MMP16: variants seen among roughly 807,000 people sequenced by gnomAD.
The protein encoded by MMP16 is matrix metallopeptidase 16.
Under a neutral mutation model 67.8 loss-of-function variants are expected in MMP16, and 12 were observed. The observed-to-expected ratio is 0.18, with a 90% confidence interval of 0.11 to 0.29. The LOEUF is 0.29. MMP16 is among the 10% of genes least tolerant of loss of function. The pLI is 1.00. For synonymous variants in MMP16, 249 were observed against 255.9 expected (o/e 0.97, Z 0.26); for missense variants, 475 against 765.7 (o/e 0.62, Z 4.48).
intron 5 of MMP16, among the ~76,000 whole-genome samples, chr8:88,117,525 T>C (rs1809456279): frequency 6.6e-6 from 1 of 151,930 alleles, no homozygotes; most frequent in Non-Finnish European, 1.5e-5. Context: ...ATTCATGAGG[T>C]CATGAGAAAG....
chr8:88,279,644 T>C (rs576077491), intron 1 of MMP16, among the ~76,000 whole-genome samples: 4 of 152,244 alleles, frequency 2.6e-5, no homozygotes, highest in African/African-American at 9.6e-5. Flanking sequence ...CTAACTACTG[T>C]CTCAAGAGGG....
chr8:88,168,523 T>G (rs1563552234), intron 3 of MMP16, among the ~76,000 whole-genome samples: 2 of 152,198 alleles, frequency 1.3e-5, no homozygotes, highest in Admixed American at 1.3e-4. Flanking sequence ...TAGTTAAAAA[T>G]GTATTGTGAG....
intron 7 of MMP16, among the ~76,000 whole-genome samples, chr8:88,064,993 C>T (rs1808445764): frequency 6.6e-6 from 1 of 152,088 alleles, no homozygotes; most frequent in African/African-American, 2.4e-5. Flanking sequence ...GCCAAGGCTA[C>T]ACTCTTCTTC....
intron 6 of MMP16, among the ~76,000 whole-genome samples, chr8:88,103,930 G>A (rs1323138035): frequency 6.6e-6 from 1 of 151,638 alleles, no homozygotes; most frequent in African/African-American, 2.4e-5. Flanking sequence ...TACCTAATTG[G>A]ACACCTTTGC....
intron 4 of MMP16, among the ~76,000 whole-genome samples, chr8:88,129,792 G>T (rs1007563063): frequency 1.3e-5 from 2 of 151,414 alleles, no homozygotes; most frequent in Non-Finnish European, 3.0e-5. Flanking sequence ...ATTTTTTAGA[G>T]TAGGTTTCAC....
chr8:88,148,494 T>G (rs1808333688), intron 4 of MMP16, among the ~76,000 whole-genome samples: 1 of 152,192 alleles, frequency 6.6e-6, no homozygotes, highest in South Asian at 2.1e-4. Context: ...CAGGGAGCTG[T>G]GTATGTATGT....
At chr8:88,258,580 T>C (rs1256286894) in intron 1 of MMP16, among the ~76,000 whole-genome samples, 1 of 152,148 alleles carries the variant, frequency 6.6e-6, no homozygotes, top group African/African-American at 2.4e-5. Context: ...ATGAACAAAG[T>C]AGGCCTTTTA....
intron 1 of MMP16, among the ~76,000 whole-genome samples, chr8:88,216,565 A>T (rs1809597980): frequency 6.6e-6 from 1 of 152,132 alleles, no homozygotes; most frequent in Non-Finnish European, 1.5e-5. Flanking sequence ...ATGCCATGCT[A>T]GTTTCCTCTG....
At chr8:88,256,682 T>A (rs528958740) in intron 1 of MMP16, among the ~76,000 whole-genome samples, 1 of 148,704 alleles carries the variant, frequency 6.7e-6, no homozygotes, top group African/African-American at 2.5e-5. Context: ...TCTCTCTCTC[T>A]CTCACACACA....
At chr8:88,068,480 A>T (rs564412355) in intron 7 of MMP16, among the ~76,000 whole-genome samples, 3 of 152,100 alleles carry the variant, frequency 2.0e-5, no homozygotes, top group East Asian at 1.9e-4. Context: ...GATTAAGGTC[A>T]CAAACTTTTG....
chr8:88,158,574 C>T (rs1395883605), intron 4 of MMP16, among the ~76,000 whole-genome samples: 1 of 152,164 alleles, frequency 6.6e-6, no homozygotes, highest in Non-Finnish European at 1.5e-5. Flanking sequence ...AGCCCTTTGT[C>T]AGATGGGTAG....
intron 1 of MMP16, among the ~76,000 whole-genome samples, chr8:88,264,205 CAT>C: frequency 6.6e-6 from 1 of 151,930 alleles, no homozygotes; most frequent in East Asian, 1.9e-4. Flanking sequence ...CACACACACA[CAT>C]ACATTTCTAG....
rs7002578 is a variant in MMP16 at position 88,167,135 on chromosome 8, C to T, written c.709+534G>A. ...GCTGAGGTAGGAGAATCACTTGAAC[C>T]GAGGAAGTGGAGGTTGCAGTGAGCT... On this transcript the variant is annotated intron_variant, in intron 4 of 9. Coordinates refer to ENST00000286614, the MANE Select transcript of MMP16 (RefSeq NM_005941.5). 5.5e-3 allele frequency among the ~76,000 whole-genome samples: 832 copies of T among 152,068 alleles called. 2 individuals carry two copies. The highest frequency in any genetic ancestry group is 0.019 in the African/African-American group (770 of 41,502).
intron 4 of MMP16, among the ~76,000 whole-genome samples, chr8:88,148,109 T>C (rs1190641446): frequency 6.6e-6 from 1 of 152,194 alleles, no homozygotes; most frequent in African/African-American, 2.4e-5. Flanking sequence ...CTATTCAATT[T>C]AATTGTTATG....
At chr8:88,303,345 C>T (rs1811160108) in intron 1 of MMP16, among the ~76,000 whole-genome samples, 1 of 152,176 alleles carries the variant, frequency 6.6e-6, no homozygotes, top group South Asian at 2.1e-4. Flanking sequence ...GAGGGATGGC[C>T]ACCATCTCTG....
chr8:88,056,085 A>G (rs572361035), intron 8 of MMP16, 43 bp downstream of exon 8: 3 of 1,372,488 alleles, frequency 2.2e-6, no homozygotes, highest in South Asian at 2.1e-5. Context: ...TTTTCTAAAC[A>G]TTGGTTAATT....
intron 1 of MMP16, among the ~76,000 whole-genome samples, chr8:88,293,329 CTTT>C (rs148375979): frequency 6.6e-6 from 1 of 151,758 alleles, no homozygotes; most frequent in East Asian, 1.9e-4. Context: ...CTACTTAATG[CTTT>C]TTTTTAAGAG....
At chr8:88,234,130 T>C (rs535481158) in intron 1 of MMP16, among the ~76,000 whole-genome samples, 1 of 152,340 alleles carries the variant, frequency 6.6e-6, no homozygotes, top group Admixed American at 6.5e-5. Flanking sequence ...TGCTCATTTT[T>C]ATAGATGAAA....
intron 4 of MMP16, among the ~76,000 whole-genome samples, chr8:88,145,672 A>G (rs1175233643): frequency 1.3e-5 from 2 of 151,924 alleles, no homozygotes; most frequent in African/African-American, 2.4e-5. Context: ...CCCTAAGAGA[A>G]ATACAACCTC....
Sources: gnomAD v4.1 joint callset for allele counts (sites outside exome capture counted in the v4.1 genomes callset) on GRCh38, gnomAD v4.1.1 for gene constraint, MANE v1.5 for transcripts, NCBI Gene and HGNC (gene_info 2026-07-23, HGNC 2026-07-21) for gene names.